TRPC5: variants seen among roughly 807,000 people sequenced by gnomAD.
TRPC5 encodes short transient receptor potential channel 5.
Under a neutral mutation model 56.5 loss-of-function variants are expected in TRPC5, and 9 were observed. The ratio of observed to expected loss-of-function variants is 0.16; its 90% confidence interval spans 0.10 to 0.28. The LOEUF (loss-of-function observed/expected upper bound fraction) is 0.28. Ranked by LOEUF, TRPC5 falls within the 10% of genes least tolerant of loss-of-function variation. The pLI, the probability that TRPC5 is intolerant of heterozygous loss-of-function variation, is 1.00. For synonymous variants in TRPC5, 282 were observed against 278.5 expected (o/e 1.01, Z -0.13); for missense variants, 469 against 748.9 (o/e 0.63, Z 4.36).
intron 1 of TRPC5, among the ~76,000 whole-genome samples, chrX:112,055,482 T>C (rs1165860704): frequency 9.0e-6 from 1 of 111,277 alleles, no homozygotes; most frequent in Non-Finnish European, 1.9e-5. Flanking sequence ...TTCAGATTAC[T>C]GCATTATGAA....
intron 3 of TRPC5, among the ~76,000 whole-genome samples, chrX:111,861,580 T>A: frequency 8.9e-6 from 1 of 112,205 alleles, no homozygotes; most frequent in Non-Finnish European, 1.9e-5. Context: ...TTTTAGCAAC[T>A]TTTAACTTTA....
At chrX:111,930,339 A>G (rs1391786103) in intron 2 of TRPC5, among the ~76,000 whole-genome samples, 1 of 111,317 alleles carries the variant, frequency 9.0e-6, no homozygotes, top group Non-Finnish European at 1.9e-5. Flanking sequence ...TATTTTAAGT[A>G]GAGATGGTTG....
rs963696665 is a variant in TRPC5, at chrX:111,768,193, C to T, written c.*8120G>A. 4.5e-5 allele frequency among the ~76,000 whole-genome samples: 5 copies of T among 112,044 alleles called. No individual in the cohort carries two copies. The highest frequency in any genetic ancestry group is 9.4e-5 in the Non-Finnish European group (5 of 53,126). On this transcript the variant is annotated 3_prime_UTR_variant, in exon 11 of 11. Coordinates refer to ENST00000262839, the MANE Select transcript of TRPC5 (RefSeq NM_012471.3). ...TCCACTTTGAAAATAGTCTTCAAAGCCAGTGTCATTTACACAGACACATTT... is the reference window on the plus strand; with the variant it reads ...TCCACTTTGAAAATAGTCTTCAAAGTCAGTGTCATTTACACAGACACATTT...
chrX:111,815,482 A>G (rs2148567517), intron 7 of TRPC5, among the ~76,000 whole-genome samples: 1 of 111,293 alleles, frequency 9.0e-6, no homozygotes, highest in Admixed American at 9.6e-5. Flanking sequence ...TAATCACAGC[A>G]CTTTGGGAAG....
chrX:112,038,225 C>A (rs181426901), intron 1 of TRPC5, among the ~76,000 whole-genome samples: 1 of 111,793 alleles, frequency 8.9e-6, no homozygotes, highest in African/African-American at 3.3e-5. Flanking sequence ...TAGAAATTTA[C>A]GTCGTTACAT....
At chrX:111,839,506 T>C (rs1024010449) in intron 6 of TRPC5, among the ~76,000 whole-genome samples, 4 of 111,740 alleles carry the variant, frequency 3.6e-5, no homozygotes, top group African/African-American at 1.3e-4. Context: ...ATTGCTAACA[T>C]TTATTGTGCT....
rs1945865158 is a variant in TRPC5 at position 111,774,763 on chromosome X, T to C, written c.*1550A>G. On this transcript the variant is annotated 3_prime_UTR_variant, in exon 11 of 11. Coordinates refer to ENST00000262839, the MANE Select transcript of TRPC5 (RefSeq NM_012471.3). ...CGAAAGTTCCTCATTTCTCTTACTT[T>C]TATCAGAAATTACATACATTAATCT... The C allele has an allele frequency of 9.0e-6, 1 of 111,203 alleles. No homozygotes were observed. Among genetic ancestry groups the C allele is most frequent in the Admixed American group, 9.6e-5 (1 of 10,410 alleles). The allele number at this position is 111,203 out of a possible 1,213,427, so 9.2% of individuals were successfully genotyped here.
chrX:111,993,579 T>G (rs751493032), intron 1 of TRPC5, among the ~76,000 whole-genome samples: 82 of 112,406 alleles, frequency 7.3e-4, no homozygotes, highest in African/African-American at 2.6e-3. Flanking sequence ...TCCTGACTTT[T>G]TAATGATTGC....
intron 3 of TRPC5, among the ~76,000 whole-genome samples, chrX:111,857,940 T>C (rs764971084): frequency 8.9e-6 from 1 of 112,467 alleles, no homozygotes; most frequent in East Asian, 2.8e-4. Flanking sequence ...CTTCTTTTAA[T>C]GGTGGATATA....
intron 2 of TRPC5, among the ~76,000 whole-genome samples, chrX:111,922,685 C>T (rs1926154975): frequency 8.9e-6 from 1 of 111,760 alleles, no homozygotes; most frequent in Non-Finnish European, 1.9e-5. Context: ...ACAGAAGCAT[C>T]AGAGTTAGGA....
At chrX:111,826,686 A>C (rs760011215) in intron 7 of TRPC5, among the ~76,000 whole-genome samples, 5 of 112,458 alleles carry the variant, frequency 4.4e-5, no homozygotes, top group African/African-American at 1.6e-4. Context: ...TATAGCTTCC[A>C]TGGTTTGGAC....
chrX:111,958,608 AG>A (rs1927296058), intron 1 of TRPC5, among the ~76,000 whole-genome samples: 2 of 112,495 alleles, frequency 1.8e-5, no homozygotes, highest in Admixed American at 9.4e-5. Context: ...TCGGGCAAGA[AG>A]CCCCTCCTTC....
At chrX:112,079,114 G>C (rs1405625120) in intron 1 of TRPC5, among the ~76,000 whole-genome samples, 4 of 111,826 alleles carry the variant, frequency 3.6e-5, no homozygotes, top group African/African-American at 9.8e-5. Flanking sequence ...AGTACTTTGG[G>C]GAGAGAGATT....
intron 1 of TRPC5, among the ~76,000 whole-genome samples, chrX:111,962,183 T>G (rs1244721907): frequency 9.0e-6 from 1 of 111,364 alleles, no homozygotes; most frequent in East Asian, 2.8e-4. Flanking sequence ...TCCCCACCAG[T>G]ACCCATGTAA....
chrX:112,067,687 C>G (rs1246450214), intron 1 of TRPC5, among the ~76,000 whole-genome samples: 1 of 111,968 alleles, frequency 8.9e-6, no homozygotes, highest in Admixed American at 9.5e-5. Flanking sequence ...TTGAAACCTA[C>G]TGCTGGCCCC....
rs1426863496 is a variant in TRPC5 at position 111,769,401 on chromosome X, G to A, written c.*6912C>T. 9.0e-6 allele frequency among the ~76,000 whole-genome samples: 1 copy of A among 111,672 alleles called. No individual in the cohort carries two copies. Among genetic ancestry groups the A allele is most frequent in the Non-Finnish European group, 1.9e-5 (1 of 53,093 alleles). ...ATCTAAATATATTGCTCTTTAAAGT[G>A]TTCTCTTCAGGAGGCTATGTGCTTA... On this transcript the variant is annotated 3_prime_UTR_variant, in exon 11 of 11. Coordinates refer to ENST00000262839, the MANE Select transcript of TRPC5 (RefSeq NM_012471.3).
At chrX:111,847,963 C>A (rs1008164651) in intron 5 of TRPC5, among the ~76,000 whole-genome samples, 3 of 111,746 alleles carry the variant, frequency 2.7e-5, no homozygotes, top group African/African-American at 9.8e-5. Context: ...CCCTTGCTGA[C>A]TGCAGTTTGG....
intron 1 of TRPC5, among the ~76,000 whole-genome samples, chrX:112,012,286 T>C (rs1227406742): frequency 8.9e-6 from 1 of 112,207 alleles, no homozygotes; most frequent in Non-Finnish European, 1.9e-5. Flanking sequence ...AATACTGCAG[T>C]TCGGTGTGAT....
At chrX:111,912,005 G>A (rs7050529) in intron 3 of TRPC5, among the ~76,000 whole-genome samples, 12,631 of 111,638 alleles carry the variant, frequency 0.11, 903 homozygotes, top group African/African-American at 0.26. Flanking sequence ...ATGAAAGCAG[G>A]GTCGGTGTCT....
Sources: allele counts gnomAD v4.1 joint callset (sites outside exome capture counted in the v4.1 genomes callset), GRCh38; gene constraint gnomAD v4.1.1; transcripts MANE v1.5; gene names NCBI Gene and HGNC (gene_info 2026-07-23, HGNC 2026-07-21).